The following ATRNL1 variants were observed in gnomAD, a reference collection of about 807,000 sequenced individuals.
ATRNL1 encodes attractin like 1, also known as attractin-like protein 1.
ATRNL1 carries 95 observed loss-of-function variants against 182.7 expected under a neutral mutation model. The observed-to-expected ratio is 0.52, with a 90% CI of 0.44 to 0.62. The LOEUF (loss-of-function observed/expected upper bound fraction) is 0.62. ATRNL1 is among the 20% of genes least tolerant of loss of function. ATRNL1 has a pLI of 0.00. For synonymous variants in ATRNL1, 576 were observed against 568.3 expected (o/e 1.01, Z -0.19); for missense variants, 1,471 against 1,679.5 (o/e 0.88, Z 2.17).
At chr10:115,402,576 C>G (rs1337262701) in intron 20 of ATRNL1, among the ~76,000 whole-genome samples, 1 of 152,086 alleles carries the variant, frequency 6.6e-6, no homozygotes, top group Non-Finnish European at 1.5e-5. Flanking sequence ...AAATGGCACT[C>G]TTAGATATTT....
chr10:115,134,452 T>A (rs1289051265), intron 5 of ATRNL1, among the ~76,000 whole-genome samples: 1 of 151,992 alleles, frequency 6.6e-6, no homozygotes, highest in Non-Finnish European at 1.5e-5. Flanking sequence ...ATGGATAATT[T>A]CTCGACACAC....
At chr10:115,436,620 A>G (rs901826941) in intron 21 of ATRNL1, among the ~76,000 whole-genome samples, 3 of 152,162 alleles carry the variant, frequency 2.0e-5, no homozygotes, top group African/African-American at 7.2e-5. Context: ...AGGAAAAACT[A>G]GTATTTATTA....
chr10:115,268,199 T>A lies in ATRNL1; in HGVS notation c.1982-127T>A, dbSNP rs1353379557. ...ATCTTTAGAAAACTTACTTTGAAAT[T>A]GAAGGTCATTTCTTTGGTTAAAAAA... On this transcript the variant is annotated intron_variant, in intron 12 of 28. Coordinates refer to ENST00000355044, the MANE Select transcript of ATRNL1 (RefSeq NM_207303.4). 24 of 636,278 alleles carry A rather than the reference T, an allele frequency of 3.8e-5. 1 individual carries two copies. The Admixed American group carries it at 5.9e-4, about 16-fold the overall frequency. 39.4% of individuals were successfully genotyped at this position (636,278 alleles called of 1,614,324 possible). A position where few individuals can be genotyped will look rare whatever the true frequency, so the allele number is the denominator to read the frequency against.
chr10:115,443,406 G>C (rs1174100421), intron 21 of ATRNL1, among the ~76,000 whole-genome samples: 1 of 151,640 alleles, frequency 6.6e-6, no homozygotes, highest in African/African-American at 2.4e-5. Flanking sequence ...TGATTTTGCT[G>C]TTTTCTAATC....
chr10:115,588,494 T>C (rs1555011030), intron 26 of ATRNL1, among the ~76,000 whole-genome samples: 5 of 152,220 alleles, frequency 3.3e-5, no homozygotes, highest in African/African-American at 1.2e-4. Context: ...TAGGAAGATT[T>C]ATGAATGCAG....
intron 8 of ATRNL1, among the ~76,000 whole-genome samples, chr10:115,197,106 T>C (rs550270833): frequency 6.6e-6 from 1 of 151,634 alleles, no homozygotes; most frequent in South Asian, 2.1e-4. Flanking sequence ...CTCGAAATAG[T>C]TTTTTTTTCC....
intron 19 of ATRNL1, among the ~76,000 whole-genome samples, chr10:115,388,173 G>A (rs1270612807): frequency 3.3e-5 from 5 of 152,138 alleles, no homozygotes; most frequent in Non-Finnish European, 5.9e-5. Context: ...GCCTTTTACA[G>A]TTTTTCATAT....
At chr10:115,626,187 G>C (rs61881122) in intron 26 of ATRNL1, among the ~76,000 whole-genome samples, 1 of 152,104 alleles carries the variant, frequency 6.6e-6, no homozygotes, top group Admixed American at 6.5e-5. Flanking sequence ...TAAAAATAAA[G>C]AGAACTTAAA....
At chr10:115,206,071 G>T (rs1848783924) in intron 8 of ATRNL1, among the ~76,000 whole-genome samples, 1 of 151,988 alleles carries the variant, frequency 6.6e-6, no homozygotes, top group African/African-American at 2.4e-5. Flanking sequence ...ACTTATCCGT[G>T]TAGGATATTT....
rs540151481 is a variant in ATRNL1, at chr10:115,822,951, T to C, written c.3904-24926T>C. ...TTTTATGAGGCCAGCATTATCCTGA[T>C]ACCAAAACTTGGCAGAGACACAACA... On this transcript the variant is annotated intron_variant, in intron 27 of 28. Coordinates refer to ENST00000355044, the MANE Select transcript of ATRNL1 (RefSeq NM_207303.4). 1.1e-3 allele frequency among the ~76,000 whole-genome samples: 172 copies of C among 152,300 alleles called. 1 individual carries two copies. Among genetic ancestry groups the C allele is most frequent in the African/African-American group, 4.0e-3 (168 of 41,562 alleles).
intron 7 of ATRNL1, among the ~76,000 whole-genome samples, chr10:115,170,235 C>T (rs1440277765): frequency 6.6e-6 from 1 of 152,102 alleles, no homozygotes; most frequent in African/African-American, 2.4e-5. Flanking sequence ...TAGTCTTTCA[C>T]TGTTAGGTAT....
intron 27 of ATRNL1, among the ~76,000 whole-genome samples, chr10:115,737,466 A>C (rs2532710): frequency 1.3e-5 from 2 of 152,116 alleles, no homozygotes; most frequent in East Asian, 3.9e-4. Flanking sequence ...TACTTCATTA[A>C]GCATTTGGTT....
chr10:115,097,155 G>T (rs1204490709), intron 1 of ATRNL1, among the ~76,000 whole-genome samples: 3 of 152,004 alleles, frequency 2.0e-5, no homozygotes, highest in African/African-American at 7.3e-5. Context: ...CCCCTCTTAG[G>T]TTAGTCAAAT....
chr10:115,831,536 G>A (rs1321862947), intron 27 of ATRNL1, among the ~76,000 whole-genome samples: 1 of 152,120 alleles, frequency 6.6e-6, no homozygotes, highest in African/African-American at 2.4e-5. Flanking sequence ...CCGGGGTGAG[G>A]GTGGAGCGGA....
chr10:115,941,900 A>G (rs2134625667), intron 28 of ATRNL1, among the ~76,000 whole-genome samples: 1 of 152,356 alleles, frequency 6.6e-6, no homozygotes, highest in Admixed American at 6.5e-5. Flanking sequence ...ACTCTTCAGA[A>G]GTTCCCACGT....
intron 28 of ATRNL1, among the ~76,000 whole-genome samples, chr10:115,868,944 C>T (rs1370549217): frequency 6.6e-6 from 1 of 150,828 alleles, no homozygotes; most frequent in Non-Finnish European, 1.5e-5. Context: ...ATTCTCCTGC[C>T]TCAGCCGCCC....
chr10:115,524,044 A>G (rs1165210285), intron 25 of ATRNL1, among the ~76,000 whole-genome samples: 1 of 152,170 alleles, frequency 6.6e-6, no homozygotes, highest in Non-Finnish European at 1.5e-5. Flanking sequence ...TGGAAGAGGA[A>G]GGGGAGCTGG....
At chr10:115,269,317 A>G (rs896164837) in intron 13 of ATRNL1, among the ~76,000 whole-genome samples, 1 of 151,984 alleles carries the variant, frequency 6.6e-6, no homozygotes, top group African/African-American at 2.4e-5. Context: ...AGTATTTAGT[A>G]GAATTAAAGA....
At chr10:115,440,778 A>T (rs647982) in intron 21 of ATRNL1, among the ~76,000 whole-genome samples, 2,440 of 151,214 alleles carry the variant, frequency 0.016, 64 homozygotes, top group African/African-American at 0.056. Flanking sequence ...GCTGGGGGGA[A>T]AAAAAAATCA....
Sources: gnomAD v4.1 joint callset for allele counts (sites outside exome capture counted in the v4.1 genomes callset) on GRCh38, gnomAD v4.1.1 for gene constraint, MANE v1.5 for transcripts, NCBI Gene and HGNC (gene_info 2026-07-23, HGNC 2026-07-21) for gene names.